Variants in DIAPH2 observed in about 807,000 individuals in gnomAD.
DIAPH2 encodes the protein protein diaphanous homolog 2.
Under a neutral mutation model 92.7 loss-of-function variants are expected in DIAPH2, and 35 were observed. The observed-to-expected ratio is 0.38, with a 90% CI of 0.29 to 0.50. The LOEUF is 0.50. Ranked by LOEUF, DIAPH2 falls within the 20% of genes least tolerant of loss-of-function variation. The probability of loss-of-function intolerance (pLI) is 0.94; values close to 1 mark genes in which losing one functional copy is unlikely to be tolerated. For synonymous variants in DIAPH2, 301 were observed against 280.4 expected, an observed-to-expected ratio of 1.07 and a Z score of -0.73; for missense variants, 701 against 819.5, an observed-to-expected ratio of 0.86 and a Z score of 1.77.
intron 21 of DIAPH2, among the ~76,000 whole-genome samples, chrX:97,138,699 C>T (rs1053870310): frequency 9.0e-6 from 1 of 111,588 alleles, no homozygotes; most frequent in African/African-American, 3.2e-5. Context: ...TCTAGAACTG[C>T]TGTTTGTGTT....
chrX:96,976,772 T>TA (rs1339558273), intron 17 of DIAPH2, among the ~76,000 whole-genome samples: 1 of 111,052 alleles, frequency 9.0e-6, no homozygotes, highest in African/African-American at 3.3e-5. Context: ...CTACTTCTAT[T>TA]AATATAATAC....
intron 5 of DIAPH2, chrX:96,883,788 C>A (rs1324944085): frequency 8.5e-6 from 1 of 117,732 alleles, no homozygotes; most frequent in Non-Finnish European, 1.8e-5. Context: ...AGCACTCTAC[C>A]GTTTTGCCAA....
chrX:97,313,025 GA>G (rs1018092245), intron 23 of DIAPH2, among the ~76,000 whole-genome samples: 1 of 108,638 alleles, frequency 9.2e-6, no homozygotes, highest in Non-Finnish European at 1.9e-5. Flanking sequence ...AAAAATATAA[GA>G]AAAAAAAATT....
At chrX:97,296,776 C>CT (rs1277806851) in intron 23 of DIAPH2, among the ~76,000 whole-genome samples, 2,603 of 97,290 alleles carry the variant, frequency 0.027, 95 homozygotes, top group African/African-American at 0.09. Context: ...GGCTACAGAA[C>CT]TTTTTTTTTT....
rs769584615 is a variant in DIAPH2 at position 97,190,112 on chromosome X, G to A, written c.2719+48318G>A. ...TAATCTCTTGGTTTCTAGGTTTCTCGTCACTTGCTTCACCACTGATGATCT... is the reference window on the plus strand; with the variant it reads ...TAATCTCTTGGTTTCTAGGTTTCTCATCACTTGCTTCACCACTGATGATCT... On this transcript the variant is annotated intron_variant, in intron 22 of 26. Transcript: ENST00000324765. Among the ~76,000 whole-genome samples, 11 of 112,989 alleles carry A rather than the reference G, an allele frequency of 9.7e-5. No individual in the cohort carries two copies. In the South Asian group the frequency reaches 3.2e-3, roughly 33 times the overall value.
In DIAPH2 at chrX:97,502,783, G is replaced by A. The variant is rs144132326; in HGVS notation, c.3241+73038G>A. Among the ~76,000 whole-genome samples, 8 of 112,378 alleles carry A rather than the reference G, an allele frequency of 7.1e-5. No individual in the cohort carries two copies. The East Asian group carries it at 2.0e-3, about 27-fold the overall frequency. ...CTATCTTTTCAAATATTTCCAAAAC[G>A]TATGGCTTTTTAAGCCTTTGCCTCT... On this transcript the variant is annotated intron_variant, in intron 26 of 26. Transcript: ENST00000324765.
intron 17 of DIAPH2, among the ~76,000 whole-genome samples, chrX:97,040,158 G>A: frequency 9.3e-6 from 1 of 107,877 alleles, no homozygotes; most frequent in Non-Finnish European, 1.9e-5. Flanking sequence ...GACTTGGCAA[G>A]TAACCTACCC....
At chrX:96,950,242 G>C (rs906531085) in intron 15 of DIAPH2, among the ~76,000 whole-genome samples, 3 of 110,504 alleles carry the variant, frequency 2.7e-5, no homozygotes, top group Non-Finnish European at 5.7e-5. Flanking sequence ...TTGCTGTACT[G>C]TTCCATTCAG....
At chrX:97,346,729 A>G (rs1232397691) in intron 23 of DIAPH2, among the ~76,000 whole-genome samples, 1 of 111,227 alleles carries the variant, frequency 9.0e-6, no homozygotes, top group Non-Finnish European at 1.9e-5. Flanking sequence ...AGCTGGGGGA[A>G]CTTAGCAAGG....
chrX:96,793,756 T>C (rs759286045), intron 4 of DIAPH2: 44 of 278,559 alleles, frequency 1.6e-4, no homozygotes, highest in Non-Finnish European at 2.8e-4. Context: ...ACAATCACAT[T>C]GCAGGTTGGA....
intron 17 of DIAPH2, among the ~76,000 whole-genome samples, chrX:97,019,295 TTATCCC>T (rs2066281468): frequency 8.9e-6 from 1 of 111,760 alleles, no homozygotes; most frequent in South Asian, 3.8e-4. Flanking sequence ...TGGTGCTACT[TTATCCC>T]TATCCCTCCA....
At chrX:97,148,946 T>G (rs2067265645) in intron 22 of DIAPH2, among the ~76,000 whole-genome samples, 2 of 111,532 alleles carry the variant, frequency 1.8e-5, no homozygotes, top group South Asian at 7.6e-4. Context: ...CCTAAACTTA[T>G]GGACGCCACC....
At chrX:97,301,542 A>G in intron 23 of DIAPH2, among the ~76,000 whole-genome samples, 1 of 111,953 alleles carries the variant, frequency 8.9e-6, no homozygotes, top group East Asian at 2.8e-4. Flanking sequence ...CTTTCAGAGA[A>G]TAAGCACAAA....
At chrX:96,900,748 A>T (rs2065387855) in intron 5 of DIAPH2, among the ~76,000 whole-genome samples, 2 of 112,130 alleles carry the variant, frequency 1.8e-5, no homozygotes, top group South Asian at 7.5e-4. Flanking sequence ...TATGTGATTT[A>T]TCACATCTAT....
chrX:96,762,997 T>A, intron 4 of DIAPH2: 1 of 579,508 alleles, frequency 1.7e-6, no homozygotes, highest in Non-Finnish European at 2.3e-6. Flanking sequence ...ATTTACTAAT[T>A]TACTAAACAC....
intron 4 of DIAPH2, among the ~76,000 whole-genome samples, chrX:96,807,558 G>C (rs1214068606): frequency 9.0e-6 from 1 of 110,738 alleles, no homozygotes; most frequent in Admixed American, 9.6e-5. Flanking sequence ...CTTAATTTTC[G>C]TTTTCCTAAA....
In DIAPH2 at chrX:96,957,916, C is replaced by A; in HGVS notation, c.1703C>A (p.Ala568Glu). 1 of 1,210,480 alleles carries A rather than the reference C, an allele frequency of 8.3e-7. No individual in the cohort carries two copies. Among genetic ancestry groups the A allele is most frequent in the Non-Finnish European group, 1.1e-6 (1 of 895,106 alleles). Residue 568 changes from alanine to glutamate, a missense_variant, in exon 16 of 27, where the codon GCG becomes GAG. Physicochemically the swap from Ala to Glu is moderately radical, Grantham distance 107. This residue lies in a region of DIAPH2 where 536 missense variants were observed against 599.3 expected (regional missense o/e 0.89). Transcript: ENST00000324765. ...PGVGPPPPPP[A>E]PPLPGGAPLP... ...GTAGGGCCGCCTCCACCACCACCCG[C>A]GCCACCTCTACCCGGAGGAGCTCCT...
chrX:96,999,657 A>T (rs974707914), intron 17 of DIAPH2, among the ~76,000 whole-genome samples: 4 of 110,999 alleles, frequency 3.6e-5, no homozygotes, highest in Non-Finnish European at 7.5e-5. Flanking sequence ...AAGTAAATGT[A>T]CAAAATGTTG....
intron 24 of DIAPH2, among the ~76,000 whole-genome samples, chrX:97,357,669 C>T (rs35408243): frequency 0.055 from 6,191 of 111,595 alleles, 167 homozygotes; most frequent in East Asian, 0.17. Flanking sequence ...CAGTGCTGAT[C>T]TCGAAGGATA....
Sources: gnomAD v4.1 joint callset for allele counts (sites outside exome capture counted in the v4.1 genomes callset) on GRCh38, gnomAD v4.1.1 for gene constraint, gnomAD v4.1.1 regional missense constraint, MANE v1.5 for transcripts, NCBI Gene and HGNC (gene_info 2026-07-23, HGNC 2026-07-21) for gene names.